ANKRD30BL: variants seen among roughly 807,000 people sequenced by gnomAD.
ANKRD30BL encodes the protein putative ankyrin repeat domain-containing protein 30B-like.
ANKRD30BL carries 20 observed loss-of-function variants against 18.4 expected under a neutral mutation model. The ratio of observed to expected loss-of-function variants is 1.09; its 90% CI spans 0.77 to 1.58. ANKRD30BL has a LOEUF of 1.58. ANKRD30BL is among the 40% of genes most tolerant of loss of function. ANKRD30BL has a pLI of 0.00. For missense variants in ANKRD30BL, 224 were observed against 268.6 expected (o/e 0.83, Z 1.16); for synonymous variants, 72 against 100.9 (o/e 0.71, Z 1.72).
chr2:132,230,455 T>C (rs1333292111), intron 1 of ANKRD30BL, among the ~76,000 whole-genome samples: 2 of 152,002 alleles, frequency 1.3e-5, no homozygotes, highest in African/African-American at 2.4e-5. Context: ...TTGAGGGCTA[T>C]GGTTGAAAAG....
intron 1 of ANKRD30BL, among the ~76,000 whole-genome samples, chr2:132,251,596 AGTTTT>A (rs1680651657): frequency 6.6e-6 from 1 of 152,228 alleles, no homozygotes; most frequent in Non-Finnish European, 1.5e-5. Context: ...AGCCACAGAT[AGTTTT>A]GTTAGCACTG....
chr2:132,184,795 T>G (rs1688535766), intron 1 of ANKRD30BL, among the ~76,000 whole-genome samples: 1 of 152,036 alleles, frequency 6.6e-6, no homozygotes, highest in Admixed American at 6.6e-5. Context: ...CTTAAATAAA[T>G]GGAATTAAGA....
chr2:132,243,523 A>T (rs2104798433), intron 1 of ANKRD30BL, among the ~76,000 whole-genome samples: 1 of 151,810 alleles, frequency 6.6e-6, no homozygotes, highest in Non-Finnish European at 1.5e-5. Context: ...ACAAGTGGAT[A>T]TTAACACAGC....
chr2:132,154,847 T>C (rs1687859888), intron 3 of ANKRD30BL, 79 bp from the exon 4 acceptor site: 2 of 562,406 alleles, frequency 3.6e-6, no homozygotes, highest in Admixed American at 3.5e-5. Flanking sequence ...TATAATATCC[T>C]ATGAACTTAA....
chr2:132,231,596 G>A (rs1225306288), intron 1 of ANKRD30BL, among the ~76,000 whole-genome samples: 4 of 152,126 alleles, frequency 2.6e-5, no homozygotes, highest in South Asian at 2.1e-4. Flanking sequence ...CTGGAAAATC[G>A]GGTCACTCCC....
chr2:132,208,804 T>C (rs1469478247), intron 1 of ANKRD30BL, among the ~76,000 whole-genome samples: 3 of 151,456 alleles, frequency 2.0e-5, no homozygotes, highest in African/African-American at 4.9e-5. Flanking sequence ...TACAGAACAC[T>C]GCTATGAGGT....
At chr2:132,211,679 A>C (rs1679353953) in intron 1 of ANKRD30BL, among the ~76,000 whole-genome samples, 1 of 151,994 alleles carries the variant, frequency 6.6e-6, no homozygotes, top group Non-Finnish European at 1.5e-5. Flanking sequence ...CTCTTCTTGT[A>C]GAATCTGCAA....
chr2:132,249,673 G>C (rs76719637), intron 1 of ANKRD30BL, among the ~76,000 whole-genome samples: 2 of 151,898 alleles, frequency 1.3e-5, no homozygotes, highest in African/African-American at 4.8e-5. Context: ...GCCTCCAAGT[G>C]CTTGCAAATA....
intron 1 of ANKRD30BL, among the ~76,000 whole-genome samples, chr2:132,168,328 A>C (rs1463084534): frequency 6.6e-6 from 1 of 152,150 alleles, no homozygotes; most frequent in African/African-American, 2.4e-5. Context: ...TGAAATTTGA[A>C]GGGTTTCTTG....
intron 1 of ANKRD30BL, among the ~76,000 whole-genome samples, chr2:132,189,365 A>G (rs1466913120): frequency 6.6e-6 from 1 of 152,216 alleles, no homozygotes; most frequent in East Asian, 1.9e-4. Flanking sequence ...TCTTTTGACT[A>G]TGACACAGAG....
At chr2:132,187,970 G>A (rs921825436) in intron 1 of ANKRD30BL, among the ~76,000 whole-genome samples, 1 of 151,974 alleles carries the variant, frequency 6.6e-6, no homozygotes, top group African/African-American at 2.4e-5. Context: ...GGCTGGTCTC[G>A]AACTAACCTC....
At chr2:132,240,538 G>A (rs1176901172) in intron 1 of ANKRD30BL, among the ~76,000 whole-genome samples, 1 of 150,416 alleles carries the variant, frequency 6.6e-6, no homozygotes, top group African/African-American at 2.4e-5. Flanking sequence ...CCTTTTGATG[G>A]GTGTACTCAA....
chr2:132,169,645 A>T (rs1464265910), intron 1 of ANKRD30BL, among the ~76,000 whole-genome samples: 4,823 of 33,610 alleles, frequency 0.14, 260 homozygotes, highest in African/African-American at 0.46. Context: ...TACTCTGTCT[A>T]AAAAAAAAAA....
At chr2:132,177,749 G>A (rs12165141) in intron 1 of ANKRD30BL, among the ~76,000 whole-genome samples, 1 of 152,056 alleles carries the variant, frequency 6.6e-6, no homozygotes, top group East Asian at 1.9e-4. Flanking sequence ...CTATGTGTGA[G>A]GTCAACATGA....
chr2:132,163,567 T>C (rs1422706291), upstream of ANKRD30BL, among the ~76,000 whole-genome samples: 1 of 152,246 alleles, frequency 6.6e-6, no homozygotes, highest in Non-Finnish European at 1.5e-5. Context: ...GAAAGACTTC[T>C]AGTCACTATA....
chr2:132,198,813 T>A (rs1679031623), intron 1 of ANKRD30BL, among the ~76,000 whole-genome samples: 1 of 152,060 alleles, frequency 6.6e-6, no homozygotes, highest in Admixed American at 6.6e-5. Context: ...AGACGACGTT[T>A]CGCCATGTTG....
intron 1 of ANKRD30BL, among the ~76,000 whole-genome samples, chr2:132,234,918 A>T (rs1030254820): frequency 2.6e-5 from 4 of 152,320 alleles, no homozygotes; most frequent in Admixed American, 2.0e-4. Context: ...CTTAATGAAC[A>T]TTGATGCAAA....
At chr2:132,202,374 T>C (rs1679123689) in intron 1 of ANKRD30BL, among the ~76,000 whole-genome samples, 2 of 152,016 alleles carry the variant, frequency 1.3e-5, no homozygotes, top group African/African-American at 4.8e-5. Context: ...AAATATTATT[T>C]TAACAATTAT....
chr2:132,254,465 C>T (rs1412398810), intron 1 of ANKRD30BL, among the ~76,000 whole-genome samples: 3 of 151,368 alleles, frequency 2.0e-5, no homozygotes, highest in Non-Finnish European at 4.4e-5. Context: ...ACCCAGCGGG[C>T]TGATCCGAGG....
Sources: allele counts gnomAD v4.1 joint callset (sites outside exome capture counted in the v4.1 genomes callset), GRCh38; gene constraint gnomAD v4.1.1; transcripts MANE v1.5; gene names NCBI Gene and HGNC (gene_info 2026-07-23, HGNC 2026-07-21).